CNTNAP2: variants seen among roughly 807,000 people sequenced by gnomAD.
CNTNAP2 encodes contactin associated protein 2, also known as contactin-associated protein-like 2.
In CNTNAP2, 98 loss-of-function variants were observed where a neutral mutation model predicts 155.2. The ratio of observed to expected loss-of-function variants is 0.63; its 90% CI spans 0.54 to 0.75. The LOEUF (loss-of-function observed/expected upper bound fraction) is 0.75. Among genes scored for constraint, CNTNAP2 ranks in the 30% least tolerant of loss-of-function variants. The probability of loss-of-function intolerance (pLI) is 0.00; values close to 1 mark genes in which losing one functional copy is unlikely to be tolerated. For missense variants in CNTNAP2, 1,727 were observed against 1,688.1 expected (o/e 1.02, Z -0.40); for synonymous variants, 651 against 631.2 (o/e 1.03, Z -0.47).
At position 146,912,314 on chromosome 7, in the gene CNTNAP2, C is replaced by T. The variant is rs1490692298; in HGVS notation, c.402+72410C>T. Among the ~76,000 whole-genome samples, 5 of 150,506 alleles carry T rather than the reference C, an allele frequency of 3.3e-5. No homozygotes were observed. The Admixed American group carries it at 3.3e-4, about 10-fold the overall frequency. On this transcript the variant is annotated intron_variant, in intron 3 of 23. Coordinates refer to ENST00000361727, the MANE Select transcript of CNTNAP2 (RefSeq NM_014141.6). ...ACAATGTAATTCTGTTGCCTTCACACCTATTAAGTTGAGCAATTTCCCTTA... is the reference window on the plus strand; with the variant it reads ...ACAATGTAATTCTGTTGCCTTCACATCTATTAAGTTGAGCAATTTCCCTTA...
chr7:146,547,070 G>A (rs1292675654), intron 1 of CNTNAP2, among the ~76,000 whole-genome samples: 1 of 151,880 alleles, frequency 6.6e-6, no homozygotes, highest in Non-Finnish European at 1.5e-5. Context: ...CACGGTGTAA[G>A]TTCGAGTGTG....
At chr7:147,342,656 G>A (rs1181113271) in intron 9 of CNTNAP2, among the ~76,000 whole-genome samples, 4 of 152,116 alleles carry the variant, frequency 2.6e-5, no homozygotes, top group African/African-American at 9.7e-5. Context: ...GACAAAATTA[G>A]GTTTTAGGAT....
chr7:146,959,204 C>T (rs1219707067), intron 3 of CNTNAP2, among the ~76,000 whole-genome samples: 1 of 151,650 alleles, frequency 6.6e-6, no homozygotes, highest in African/African-American at 2.4e-5. Flanking sequence ...ATTTTTAGTA[C>T]AGACAGCGTT....
intron 9 of CNTNAP2, among the ~76,000 whole-genome samples, chr7:147,391,314 G>A (rs1796713482): frequency 6.6e-6 from 1 of 152,080 alleles, no homozygotes; most frequent in African/African-American, 2.4e-5. Flanking sequence ...ATTCTCCATG[G>A]CTCTTGGCTC....
intron 15 of CNTNAP2, among the ~76,000 whole-genome samples, chr7:148,045,156 G>A (rs766004070): frequency 6.6e-6 from 1 of 152,188 alleles, no homozygotes; most frequent in Non-Finnish European, 1.5e-5. Context: ...ATCCAGAGCA[G>A]AGAGGGCAGC....
rs558958193 is a variant in CNTNAP2 at position 146,156,070 on chromosome 7, C to T, written c.97+39097C>T. Among the ~76,000 whole-genome samples, 20 of 152,102 alleles carry T rather than the reference C, an allele frequency of 1.3e-4. No individual in the cohort carries two copies. In the East Asian group the frequency reaches 1.5e-3, roughly 12 times the overall value. On this transcript the variant is annotated intron_variant, in intron 1 of 23. Transcript: ENST00000361727. Reference sequence around the variant, plus strand: ...TATATCAGTCATCCTAGAACAGAGACGCTATCAGCTCCTGGGGATAACTCT... The same window carrying T: ...TATATCAGTCATCCTAGAACAGAGATGCTATCAGCTCCTGGGGATAACTCT...
chr7:147,063,566 T>C (rs750993839), intron 4 of CNTNAP2, among the ~76,000 whole-genome samples: 7 of 152,096 alleles, frequency 4.6e-5, no homozygotes, highest in Non-Finnish European at 1.0e-4. Flanking sequence ...AGGAGCATAT[T>C]GGGCCCAAGA....
At chr7:146,485,407 C>G (rs2129129812) in intron 1 of CNTNAP2, among the ~76,000 whole-genome samples, 1 of 152,100 alleles carries the variant, frequency 6.6e-6, no homozygotes, top group South Asian at 2.1e-4. Flanking sequence ...AATAATGATA[C>G]CAATTGAGAG....
chr7:146,880,468 T>A (rs1344042441), intron 3 of CNTNAP2, among the ~76,000 whole-genome samples: 1 of 152,090 alleles, frequency 6.6e-6, no homozygotes, highest in African/African-American at 2.4e-5. Flanking sequence ...AATAAATGTT[T>A]GTTTAAGCCA....
intron 13 of CNTNAP2, among the ~76,000 whole-genome samples, chr7:147,679,372 G>T (rs959706369): frequency 1.3e-5 from 2 of 151,728 alleles, no homozygotes. Context: ...ATTTTTATTG[G>T]TTTGGCTTCT....
intron 1 of CNTNAP2, among the ~76,000 whole-genome samples, chr7:146,245,456 C>T (rs1260827124): frequency 8.5e-5 from 13 of 152,112 alleles, no homozygotes; most frequent in Non-Finnish European, 1.3e-4. Context: ...AGTATTAGGG[C>T]GGCAGCAGCC....
chr7:146,785,793 T>C (rs1802565667), intron 2 of CNTNAP2, among the ~76,000 whole-genome samples: 1 of 152,230 alleles, frequency 6.6e-6, no homozygotes, highest in Non-Finnish European at 1.5e-5. Context: ...CTTCCAATAT[T>C]GTAGAACAGA....
At chr7:146,255,578 A>G (rs112531234) in intron 1 of CNTNAP2, among the ~76,000 whole-genome samples, 6,303 of 152,254 alleles carry the variant, frequency 0.041, 399 homozygotes, top group African/African-American at 0.14. Flanking sequence ...GAATAGGAAA[A>G]GCATGCAGAG....
intron 3 of CNTNAP2, among the ~76,000 whole-genome samples, chr7:147,028,628 C>A (rs1798967688): frequency 6.6e-6 from 1 of 152,136 alleles, no homozygotes. Context: ...TAGACTGTGG[C>A]TAGACCACAC....
chr7:147,595,031 C>A (rs1800802694), intron 12 of CNTNAP2, among the ~76,000 whole-genome samples: 1 of 152,072 alleles, frequency 6.6e-6, no homozygotes, highest in South Asian at 2.1e-4. Flanking sequence ...AGGAACAAAG[C>A]AAAACCAGAC....
rs1466319411 is a variant in CNTNAP2, at chr7:148,095,827, A to G, written c.2384-22291A>G. ...GGTCTAGTCTCCCACCTTTCAAATT[A>G]TTTCTGTTAAAATGTTCTCCCCTCC... On this transcript the variant is annotated intron_variant, in intron 15 of 23. Coordinates refer to ENST00000361727, the MANE Select transcript of CNTNAP2 (RefSeq NM_014141.6). Among the ~76,000 whole-genome samples the G allele has an allele frequency of 6.6e-5, 10 of 152,296 alleles. No individual in the cohort carries two copies. In the East Asian group the frequency reaches 1.9e-3, roughly 29 times the overall value.
intron 10 of CNTNAP2, among the ~76,000 whole-genome samples, chr7:147,483,806 T>C (rs779343606): frequency 2.8e-4 from 42 of 152,310 alleles, no homozygotes; most frequent in South Asian, 8.3e-4. Context: ...TGTAAACACC[T>C]TCTGCTGTGT....
intron 3 of CNTNAP2, among the ~76,000 whole-genome samples, chr7:146,988,606 G>C (rs12537270): frequency 0.064 from 9,678 of 152,180 alleles, 490 homozygotes; most frequent in East Asian, 0.18. Flanking sequence ...CTTTATAAAG[G>C]ATCAGTTATT....
chr7:146,764,374 C>T (rs955814934), intron 1 of CNTNAP2, among the ~76,000 whole-genome samples: 1 of 152,072 alleles, frequency 6.6e-6, no homozygotes, highest in Non-Finnish European at 1.5e-5. Flanking sequence ...TTTTTGAATA[C>T]TATTTCCTTT....
Sources: gnomAD v4.1 joint callset for allele counts (sites outside exome capture counted in the v4.1 genomes callset) on GRCh38, gnomAD v4.1.1 for gene constraint, MANE v1.5 for transcripts, NCBI Gene and HGNC (gene_info 2026-07-23, HGNC 2026-07-21) for gene names.